APAF1: variants seen among roughly 807,000 people sequenced by gnomAD.
The protein encoded by APAF1 is apoptotic protease-activating factor 1.
Under a neutral mutation model 152.4 loss-of-function variants are expected in APAF1, and 91 were observed. The observed-to-expected ratio is 0.60, with a 90% confidence interval of 0.50 to 0.71. APAF1 has a LOEUF of 0.71. Ranked by LOEUF, APAF1 falls within the 30% of genes least tolerant of loss-of-function variation. APAF1 has a pLI of 0.00. For missense variants in APAF1, 1,283 were observed against 1,472.0 expected, an observed-to-expected ratio of 0.87 and a Z score of 2.10; for synonymous variants, 484 against 494.1, an observed-to-expected ratio of 0.98 and a Z score of 0.27.
chr12:98,685,926 C>G (rs2097697584), intron 15 of APAF1, among the ~76,000 whole-genome samples: 1 of 152,176 alleles, frequency 6.6e-6, no homozygotes, highest in Non-Finnish European at 1.5e-5. Context: ...GGTGAGCCGC[C>G]ATGTCCAGCC....
intron 16 of APAF1, among the ~76,000 whole-genome samples, chr12:98,693,882 A>T (rs1349753653): frequency 3.3e-5 from 5 of 149,964 alleles, no homozygotes; most frequent in African/African-American, 7.4e-5. Context: ...AATCTATGGG[A>T]AGTAAATTTT....
intron 1 of APAF1, among the ~76,000 whole-genome samples, chr12:98,647,254 A>AC: frequency 9.7e-6 from 1 of 103,052 alleles, no homozygotes; most frequent in Middle Eastern, 6.0e-3. Context: ...CGTCTGTACT[A>AC]AAAAAAAAAA....
intron 17 of APAF1, among the ~76,000 whole-genome samples, chr12:98,699,995 A>G (rs1398483499): frequency 2.0e-5 from 3 of 152,190 alleles, no homozygotes; most frequent in African/African-American, 7.2e-5. Flanking sequence ...TACACCTACA[A>G]TTTTATGATT....
chr12:98,716,395 C>T (rs549283931), intron 22 of APAF1, among the ~76,000 whole-genome samples: 2 of 152,340 alleles, frequency 1.3e-5, no homozygotes, highest in Middle Eastern at 6.8e-3. Context: ...TTACTATGAT[C>T]ACTGTGTACT....
intron 22 of APAF1, among the ~76,000 whole-genome samples, chr12:98,720,107 ATGAAGTTCTTTTGAGAC>A (rs889502020): frequency 6.6e-6 from 1 of 152,188 alleles, no homozygotes; most frequent in African/African-American, 2.4e-5. Flanking sequence ...ACTACATCTG[ATGAAGTTCTTTTGAGAC>A]ATTGTATACT....
intron 4 of APAF1, among the ~76,000 whole-genome samples, chr12:98,655,663 G>C (rs186320516): frequency 6.6e-6 from 1 of 152,180 alleles, no homozygotes; most frequent in East Asian, 1.9e-4. Context: ...ACCTAGGCTG[G>C]AGTGCAGTGG....
At chr12:98,656,686 C>T (rs898748420) in intron 4 of APAF1, among the ~76,000 whole-genome samples, 2 of 152,182 alleles carry the variant, frequency 1.3e-5, no homozygotes, top group African/African-American at 4.8e-5. Context: ...AGAATATTCG[C>T]CGTCTTGCCT....
chr12:98,715,652 G>T, intron 22 of APAF1, 100 bp downstream of exon 22: 1 of 1,363,266 alleles, frequency 7.3e-7, no homozygotes, highest in South Asian at 1.2e-5. Flanking sequence ...AACACATTAC[G>T]TTGGGCATAC....
chr12:98,724,519 T>C (rs1257962557), intron 24 of APAF1, among the ~76,000 whole-genome samples: 5 of 152,216 alleles, frequency 3.3e-5, no homozygotes, highest in Non-Finnish European at 5.9e-5. Context: ...CTTCATCTTT[T>C]TGTGCATGCT....
At chr12:98,659,818 T>A (rs890394982) in intron 5 of APAF1, among the ~76,000 whole-genome samples, 8 of 151,564 alleles carry the variant, frequency 5.3e-5, no homozygotes, top group Non-Finnish European at 8.8e-5. Flanking sequence ...CTTTTCTCTC[T>A]TGTATTTAAA....
Position 98,662,582 on chromosome 12 carries a change from G to A in APAF1, c.823+14G>A, listed in dbSNP as rs201309144. On this transcript the variant is annotated intron_variant, in intron 6 of 26. Transcript: ENST00000551964. ...ATTCAGTAATGGGTAAGGATTATTC[G>A]TTTACTTTTTAGTACCTTTATATTT... 6.2e-6 allele frequency: 10 copies of A among 1,607,756 alleles called. No homozygotes were observed. The highest frequency in any genetic ancestry group is 1.7e-4 in the Middle Eastern group (1 of 6,012).
Position 98,671,839 on chromosome 12 carries a change from A to T in APAF1, c.1793+120A>T. The T allele has an allele frequency of 2.0e-5, 18 of 903,496 alleles. No homozygotes were observed. In the South Asian group the frequency reaches 2.6e-4, roughly 13 times the overall value. The allele number at this position is 903,496 out of a possible 1,614,324, so 56.0% of individuals were successfully genotyped here. A position where few individuals can be genotyped will look rare whatever the true frequency, so the allele number is the denominator to read the frequency against. ...TACTTTCGAAAGGGCTGGAACTTTT[A>T]ATAAGCATTCTTACTTATTGAAAAG... On this transcript the variant is annotated intron_variant, in intron 12 of 26. Transcript: ENST00000551964.
chr12:98,689,603 G>T (rs1385470243), intron 16 of APAF1, among the ~76,000 whole-genome samples: 1 of 152,092 alleles, frequency 6.6e-6, no homozygotes, highest in Non-Finnish European at 1.5e-5. Context: ...GGGACTTCAG[G>T]CGTGTGTGAC....
chr12:98,662,039 A>G (rs895204622), intron 5 of APAF1, among the ~76,000 whole-genome samples: 14 of 152,130 alleles, frequency 9.2e-5, no homozygotes, highest in African/African-American at 3.4e-4. Flanking sequence ...GTCACATATC[A>G]TCATTATTGT....
intron 4 of APAF1, among the ~76,000 whole-genome samples, chr12:98,653,693 T>TAA (rs2097652463): frequency 1.9e-5 from 1 of 53,016 alleles, no homozygotes; most frequent in Non-Finnish European, 3.3e-5. Context: ...AAAAAAAAAA[T>TAA]ATATATATAT....
At position 98,721,778 on chromosome 12, in the gene APAF1, C is replaced by T. The variant is rs566809788; in HGVS notation, c.3085-1415C>T. Among the ~76,000 whole-genome samples, 8 of 151,762 alleles carry T rather than the reference C, an allele frequency of 5.3e-5. 1 individual carries two copies. The highest frequency in any genetic ancestry group is 1.2e-4 in the African/African-American group (5 of 41,360). On this transcript the variant is annotated intron_variant, in intron 22 of 26. Transcript: ENST00000551964. Reference sequence around the variant, plus strand: ...GAAAGCCAGGGCTTGTTGGGGAGGACGACTGCTAAATGTGGTGGAAAAAGA... The same window carrying T: ...GAAAGCCAGGGCTTGTTGGGGAGGATGACTGCTAAATGTGGTGGAAAAAGA...
chr12:98,702,841 C>CAAAAAAAAAAAAAAAAAAATGAAAA (rs201068873), intron 17 of APAF1, among the ~76,000 whole-genome samples: 1 of 81,136 alleles, frequency 1.2e-5, no homozygotes, highest in Non-Finnish European at 2.8e-5. Flanking sequence ...AAGTCTGTCT[C>CAAAAAAAAAAAAAAAAAAATGAAAA]AAAAAAAAAA....
intron 8 of APAF1, 145 bp from the exon 9 acceptor site, chr12:98,666,042 TGAG>T (rs2097672264): frequency 1.3e-6 from 1 of 787,694 alleles, no homozygotes; most frequent in African/African-American, 1.7e-5. Context: ...TTTTCTATCT[TGAG>T]GAGTAGCTGA....
chr12:98,708,851 G>A, intron 20 of APAF1, 147 bp downstream of exon 20: 1 of 735,588 alleles, frequency 1.4e-6, no homozygotes, highest in Admixed American at 2.8e-5. Context: ...ATATATATAA[G>A]TCTTGAGCTG....
Sources: gnomAD v4.1 joint callset for allele counts (sites outside exome capture counted in the v4.1 genomes callset) on GRCh38, gnomAD v4.1.1 for gene constraint, MANE v1.5 for transcripts, NCBI Gene and HGNC (gene_info 2026-07-23, HGNC 2026-07-21) for gene names.